Variants in AKAP7 observed in about 807,000 individuals in gnomAD.
AKAP7 encodes A-kinase anchoring protein 7, also known as A kinase (PRKA) anchor protein 7.
A neutral mutation model predicts 39.5 loss-of-function variants in AKAP7; 39 were observed. The observed-to-expected ratio is 0.99, with a 90% CI of 0.76 to 1.29. The LOEUF (loss-of-function observed/expected upper bound fraction) is 1.29. Among genes scored for constraint, AKAP7 ranks in the 50% most tolerant of loss-of-function variants. The pLI is 0.00. For synonymous variants in AKAP7, 140 were observed against 139.1 expected (o/e 1.01, Z -0.05); for missense variants, 414 against 407.7 (o/e 1.02, Z -0.13).
At chr6:131,258,489 G>C (rs1813045300) in intron 7 of AKAP7, among the ~76,000 whole-genome samples, 2 of 152,118 alleles carry the variant, frequency 1.3e-5, no homozygotes, top group African/African-American at 4.8e-5. Context: ...TTCTATCCCA[G>C]GCAGGATTTA....
intron 7 of AKAP7, among the ~76,000 whole-genome samples, chr6:131,226,910 C>T (rs1205954653): frequency 6.6e-6 from 1 of 152,142 alleles, no homozygotes; most frequent in Non-Finnish European, 1.5e-5. Context: ...GTACGATGTG[C>T]CTACTTCTCT....
intron 2 of AKAP7, among the ~76,000 whole-genome samples, chr6:131,158,766 C>A (rs547377793): frequency 6.6e-6 from 1 of 152,182 alleles, no homozygotes; most frequent in African/African-American, 2.4e-5. Context: ...TTCAGCCTCC[C>A]AAAGTGCTGG....
intron 5 of AKAP7, chr6:131,185,437 G>T: frequency 2.2e-6 from 1 of 453,892 alleles, no homozygotes; most frequent in Non-Finnish European, 4.1e-6. Context: ...TGGCATCTTT[G>T]TAGTACTGCT....
intron 4 of AKAP7, among the ~76,000 whole-genome samples, chr6:131,168,407 G>T (rs904440585): frequency 6.6e-6 from 1 of 150,646 alleles, no homozygotes; most frequent in Non-Finnish European, 1.5e-5. Context: ...GAACCTGTCT[G>T]AAAAAAAGAA....
chr6:131,129,052 C>T, the AKAP7 span, among the ~76,000 whole-genome samples: 5 of 151,644 alleles, frequency 3.3e-5, no homozygotes, highest in Admixed American at 1.3e-4. Flanking sequence ...TTTGGGAGGC[C>T]GAGGTGGGTG....
upstream of AKAP7, among the ~76,000 whole-genome samples, chr6:131,132,182 G>A (rs1437718957): frequency 2.0e-5 from 3 of 151,922 alleles, no homozygotes; most frequent in Admixed American, 2.0e-4. Context: ...GCGTGGTGGC[G>A]GGCGCCTGTG....
intron 5 of AKAP7, among the ~76,000 whole-genome samples, chr6:131,182,960 A>G (rs1362211120): frequency 6.6e-6 from 1 of 152,174 alleles, no homozygotes; most frequent in Non-Finnish European, 1.5e-5. Context: ...TTGGAGTTCA[A>G]CAAAAAAAAT....
At chr6:131,138,875 C>A (rs1230609647) in intron 1 of AKAP7, among the ~76,000 whole-genome samples, 1 of 144,346 alleles carries the variant, frequency 6.9e-6, no homozygotes, top group Non-Finnish European at 1.6e-5. Flanking sequence ...TAGTAACAGA[C>A]ATATTAATAG....
At chr6:131,168,285 C>G (rs1803696473) in intron 4 of AKAP7, among the ~76,000 whole-genome samples, 1 of 151,920 alleles carries the variant, frequency 6.6e-6, no homozygotes, top group Non-Finnish European at 1.5e-5. Context: ...GTGGCATACA[C>G]CTGTGTATTC....
chr6:131,148,868 C>T (rs1398762446), intron 2 of AKAP7, among the ~76,000 whole-genome samples: 1 of 152,174 alleles, frequency 6.6e-6, no homozygotes, highest in East Asian at 1.9e-4. Context: ...AGTAATCAGT[C>T]TACTCATTTG....
intron 6 of AKAP7, among the ~76,000 whole-genome samples, chr6:131,211,889 T>C (rs1391888676): frequency 6.6e-6 from 1 of 152,116 alleles, no homozygotes; most frequent in Non-Finnish European, 1.5e-5. Context: ...ATTGAACAAG[T>C]TGTAAGTTAA....
intron 3 of AKAP7, among the ~76,000 whole-genome samples, chr6:131,163,304 A>G (rs1469050641): frequency 6.6e-6 from 1 of 152,170 alleles, no homozygotes; most frequent in Non-Finnish European, 1.5e-5. Flanking sequence ...CAAGATTAGG[A>G]GTTATATTTT....
At chr6:131,201,672 C>G (rs893134050) in intron 6 of AKAP7, among the ~76,000 whole-genome samples, 6 of 152,090 alleles carry the variant, frequency 3.9e-5, no homozygotes, top group Admixed American at 2.0e-4. Context: ...TTGCCCATGC[C>G]TATGTCCTGA....
upstream of AKAP7, among the ~76,000 whole-genome samples, chr6:131,130,932 GA>G (rs1225285891): frequency 4.6e-5 from 7 of 151,850 alleles, no homozygotes; most frequent in East Asian, 1.9e-4. Flanking sequence ...GGGAAAAAAA[GA>G]AAAAAATAGA....
chr6:131,142,432 T>G (rs1801124491), intron 1 of AKAP7, among the ~76,000 whole-genome samples: 1 of 152,172 alleles, frequency 6.6e-6, no homozygotes, highest in Admixed American at 6.5e-5. Flanking sequence ...TCTGGTCACT[T>G]TGGAGAGCAC....
chr6:131,274,672 G>T (rs974452116), intron 7 of AKAP7, among the ~76,000 whole-genome samples: 17 of 152,042 alleles, frequency 1.1e-4, no homozygotes, highest in Non-Finnish European at 4.4e-5. Context: ...TCAGTCCACA[G>T]CATGGTACAT....
intron 6 of AKAP7, among the ~76,000 whole-genome samples, chr6:131,202,559 A>G (rs1008943211): frequency 2.7e-5 from 4 of 146,370 alleles, no homozygotes; most frequent in Non-Finnish European, 3.0e-5. Context: ...GAATTGAACA[A>G]TGAGAACACG....
intron 7 of AKAP7, among the ~76,000 whole-genome samples, chr6:131,236,643 A>G (rs1196774051): frequency 6.6e-6 from 1 of 152,078 alleles, no homozygotes; most frequent in Non-Finnish European, 1.5e-5. Flanking sequence ...TTGGATTCCT[A>G]GGTATTTTAT....
intron 5 of AKAP7, among the ~76,000 whole-genome samples, chr6:131,195,769 T>G (rs1806862334): frequency 6.6e-6 from 1 of 152,166 alleles, no homozygotes; most frequent in African/African-American, 2.4e-5. Context: ...GTCATGATAT[T>G]CTCTCCTGGC....
Sources: allele counts gnomAD v4.1 joint callset (sites outside exome capture counted in the v4.1 genomes callset), GRCh38; gene constraint gnomAD v4.1.1; transcripts MANE v1.5; gene names NCBI Gene and HGNC (gene_info 2026-07-23, HGNC 2026-07-21).